The following SLC38A10 variants were observed in gnomAD, a reference collection of about 807,000 sequenced individuals.
SLC38A10 encodes Sodium-coupled neutral amino acid transporter 10.
A neutral mutation model predicts 81.0 loss-of-function variants in SLC38A10; 53 were observed. That is an observed-to-expected ratio of 0.65 (90% CI 0.53 to 0.82). The LOEUF is 0.82. SLC38A10 is among the 40% of genes least tolerant of loss of function. The pLI is 0.00. For synonymous variants in SLC38A10, 665 were observed against 655.3 expected (o/e 1.01, Z -0.23); for missense variants, 1,471 against 1,545.0 (o/e 0.95, Z 0.80).
chr17:81,260,435 C>A (rs2063011788), intron 10 of SLC38A10, 41 bp from the exon 11 acceptor site: 1 of 1,580,190 alleles, frequency 6.3e-7, no homozygotes, highest in Non-Finnish European at 8.6e-7. Context: ...TCACAGCTGG[C>A]CCCCGCCCCT....
chr17:81,291,626 C>T (rs748526326), intron 1 of SLC38A10, among the ~76,000 whole-genome samples: 5 of 152,184 alleles, frequency 3.3e-5, no homozygotes, highest in African/African-American at 4.8e-5. Flanking sequence ...ACCACTGCAC[C>T]CACATGGCAG....
chr17:81,292,490 A>G (rs2146962095), intron 1 of SLC38A10, among the ~76,000 whole-genome samples: 1 of 152,012 alleles, frequency 6.6e-6, no homozygotes, highest in Admixed American at 6.5e-5. Context: ...AAAGTTTTTC[A>G]ATGCCAAGGC....
At chr17:81,271,515 C>T (rs575175735) in intron 9 of SLC38A10, among the ~76,000 whole-genome samples, 15 of 152,278 alleles carry the variant, frequency 9.9e-5, no homozygotes, top group Middle Eastern at 3.4e-3. Flanking sequence ...CTGATGACAA[C>T]GAGCTCTGTC....
At chr17:81,268,618 A>G (rs1481134190) in intron 10 of SLC38A10, among the ~76,000 whole-genome samples, 1 of 152,140 alleles carries the variant, frequency 6.6e-6, no homozygotes, top group Non-Finnish European at 1.5e-5. Flanking sequence ...GTGGAGTTTT[A>G]AATAAGGGTT....
At chr17:81,249,248 T>G (rs1349410121) in intron 14 of SLC38A10, among the ~76,000 whole-genome samples, 74 of 4,482 alleles carry the variant, frequency 0.017, 1 homozygote, top group Admixed American at 0.032. Context: ...AGAAGGAAGG[T>G]GGGGGAAGAG....
Position 81,289,580 on chromosome 17 carries a change from C to T in SLC38A10, c.217+111G>A. 2 of 759,014 alleles carry T rather than the reference C, an allele frequency of 2.6e-6. No homozygotes were observed. Among genetic ancestry groups the T allele is most frequent in the South Asian group, 5.3e-5 (2 of 37,506 alleles). The allele number at this position is 759,014 out of a possible 1,614,324, so 47.0% of individuals were successfully genotyped here. On this transcript the variant is annotated intron_variant, in intron 2 of 15. Coordinates refer to ENST00000374759, the MANE Select transcript of SLC38A10 (RefSeq NM_001037984.3). The surrounding 1 kb of genome is among the most constrained non-coding windows in gnomAD (Gnocchi z 5.9). ...ATTACATTTTAAAATAAAAAAAACC[C>T]TGCTATCCAAGGAATTCTTGAAGAA...
At chr17:81,250,185 A>C in intron 14 of SLC38A10, 1 of 1,211,244 alleles carries the variant, frequency 8.3e-7, no homozygotes, top group Non-Finnish European at 1.1e-6. Context: ...AAAGAATCAA[A>C]CAGGTTCAGG....
In SLC38A10 at chr17:81,246,949, G is replaced by A. The variant is rs749829059; in HGVS notation, c.2178C>T (p.Ile726=). The A allele has an allele frequency of 2.1e-5, 34 of 1,607,530 alleles. No homozygotes were observed. Among genetic ancestry groups the A allele is most frequent in the Admixed American group, 3.3e-5 (2 of 59,976 alleles). ...GGTGGATCTCCTTGTGCTGCTCCTC[G>A]ATCACCGCCAGCAGCTTCTCCTGCT... The part of the protein sequence containing the change: ...LDQQEKLLAV[I]EEQHKEIHQQ... The change falls in exon 15 of 16, where the codon ATC becomes ATT. Residue 726 remains isoleucine, a synonymous_variant. Transcript: ENST00000374759.
intron 14 of SLC38A10, among the ~76,000 whole-genome samples, chr17:81,248,532 C>T (rs556119875): frequency 1.3e-5 from 2 of 152,364 alleles, no homozygotes; most frequent in African/African-American, 4.8e-5. Flanking sequence ...GCGGCTGTGA[C>T]TTATGTCATT....
intron 8 of SLC38A10, among the ~76,000 whole-genome samples, chr17:81,273,769 T>C (rs1353449537): frequency 6.6e-6 from 1 of 152,086 alleles, no homozygotes; most frequent in Non-Finnish European, 1.5e-5. Context: ...TGTCGTGAGA[T>C]GGTTAGCCAC....
At chr17:81,252,940 G>A (rs777017252) in intron 12 of SLC38A10, 133 bp downstream of exon 12, 3 of 1,249,996 alleles carry the variant, frequency 2.4e-6, no homozygotes, top group Non-Finnish European at 2.2e-6. Context: ...AAACAAAAAG[G>A]ACCAGAACTT....
intron 14 of SLC38A10, among the ~76,000 whole-genome samples, chr17:81,248,238 T>G (rs1353011352): frequency 6.6e-6 from 1 of 152,120 alleles, no homozygotes; most frequent in Non-Finnish European, 1.5e-5. Flanking sequence ...ATTACAGGCA[T>G]GAGCCACCGC....
chr17:81,275,577 C>CA (rs1476189903), intron 8 of SLC38A10, among the ~76,000 whole-genome samples: 1 of 150,588 alleles, frequency 6.6e-6, no homozygotes, highest in Admixed American at 6.6e-5. Context: ...ACTAAAAATA[C>CA]AAAAATTAGC....
chr17:81,248,371 C>T (rs1469531076), intron 14 of SLC38A10, among the ~76,000 whole-genome samples: 2 of 152,172 alleles, frequency 1.3e-5, no homozygotes, highest in Admixed American at 1.3e-4. Context: ...GCAGGTCCTG[C>T]GTGATGGGGA....
chr17:81,290,960 T>C (rs1044479078), intron 1 of SLC38A10, among the ~76,000 whole-genome samples: 1 of 151,742 alleles, frequency 6.6e-6, no homozygotes, highest in Non-Finnish European at 1.5e-5. Flanking sequence ...TGAGCCGAGA[T>C]TGCGCCACTG....
At position 81,246,067 on chromosome 17, in the gene SLC38A10, G is replaced by A; in HGVS notation, c.2849C>T (p.Ala950Val). ...CTGGCGTAACACAGCCTGGGGCTGT[G>A]CAGCTGCTCCTTCCGCCCCACCGGG... The part of the protein sequence containing the change: ...DLPGGAEGAA[A>V]QPQAVLRQPE... Residue 950 changes from alanine (A) to valine (V), a missense_variant, in exon 16 of 16, where the codon GCA becomes GTA. By Grantham distance (64) the Ala-to-Val change is moderately conservative. Transcript: ENST00000374759. 6.2e-7 allele frequency: 1 copy of A among 1,609,228 alleles called. No homozygotes were observed. The highest frequency in any genetic ancestry group is 1.1e-5 in the South Asian group (1 of 91,000).
chr17:81,247,324 C>T (rs1306528338), intron 14 of SLC38A10: 2 of 357,802 alleles, frequency 5.6e-6, no homozygotes, highest in African/African-American at 4.2e-5. Context: ...GCACAGCCAG[C>T]CACTGTGCCG....
In SLC38A10 at chr17:81,265,974, TG is replaced by T. The variant is rs1427023341; in HGVS notation, c.1131+4943del. ...TGCGCTTTCTAGCTTCCAAAAGACA[TG>T]GCAAAGCAGGCACAGAGAGATGCTT... On this transcript the variant is annotated intron_variant, in intron 10 of 15. Transcript: ENST00000374759. The surrounding 1 kb of genome is among the most constrained non-coding windows in gnomAD (Gnocchi z 4.2). 1.3e-5 allele frequency among the ~76,000 whole-genome samples: 2 copies of T among 152,202 alleles called. No homozygotes were observed. The highest frequency in any genetic ancestry group is 4.8e-5 in the African/African-American group (2 of 41,444).
Position 81,286,807 on chromosome 17 carries a change from C to A in SLC38A10, c.218-1912G>T, listed in dbSNP as rs1474578262. Among the ~76,000 whole-genome samples, 4 of 152,208 alleles carry A rather than the reference C, an allele frequency of 2.6e-5. No homozygotes were observed. The highest frequency in any genetic ancestry group is 5.9e-5 in the Non-Finnish European group (4 of 68,048). ...GACGCGGGCAGCACTCCTGACACCG[C>A]TGCTCACAACCGAGAACTCAGAGGC... On this transcript the variant is annotated intron_variant, in intron 2 of 15. Coordinates refer to ENST00000374759, the MANE Select transcript of SLC38A10 (RefSeq NM_001037984.3). The surrounding 1 kb of genome is among the most constrained non-coding windows in gnomAD (Gnocchi z 6.0).
Sources: gnomAD v4.1 joint callset for allele counts (sites outside exome capture counted in the v4.1 genomes callset) on GRCh38, gnomAD v4.1.1 for gene constraint, Gnocchi (gnomAD v3.1) non-coding constraint, MANE v1.5 for transcripts, NCBI Gene and HGNC (gene_info 2026-07-23, HGNC 2026-07-21) for gene names.